The following IL31RA variants were observed in gnomAD, a reference collection of about 807,000 sequenced individuals.
IL31RA encodes interleukin-31 receptor subunit alpha.
A neutral mutation model predicts 83.7 loss-of-function variants in IL31RA; 66 were observed. The observed-to-expected ratio is 0.79, with a 90% CI of 0.65 to 0.97. IL31RA has a LOEUF of 0.97. Among genes scored for constraint, IL31RA ranks in the 50% least tolerant of loss-of-function variants. IL31RA has a pLI of 0.00. For synonymous variants in IL31RA, 325 were observed against 329.0 expected (o/e 0.99, Z 0.13); for missense variants, 798 against 919.4 (o/e 0.87, Z 1.71).
At chr5:55,847,256 T>A (rs1295647227), upstream of IL31RA, among the ~76,000 whole-genome samples, 8 of 126,272 alleles carry the variant, frequency 6.3e-5, no homozygotes, top group African/African-American at 1.2e-4. Flanking sequence ...AATAAATAAA[T>A]AAATAAATAA....
chr5:55,857,097 ATT>A (rs35485505), intron 1 of IL31RA, among the ~76,000 whole-genome samples: 1 of 145,956 alleles, frequency 6.9e-6, no homozygotes, highest in African/African-American at 2.5e-5. Flanking sequence ...ACCTTTTTGC[ATT>A]TTTTTTTTTT....
intron 4 of IL31RA, among the ~76,000 whole-genome samples, chr5:55,882,544 ATGT>A (rs778005453): frequency 2.0e-5 from 3 of 152,212 alleles, no homozygotes; most frequent in Non-Finnish European, 2.9e-5. Flanking sequence ...CACTTAAAAA[ATGT>A]TGTATAATAA....
intron 7 of IL31RA, among the ~76,000 whole-genome samples, chr5:55,897,982 ATCGCCCACTCCCTCCACACCCGCAG>A (rs1456610528): frequency 1.2e-4 from 19 of 152,284 alleles, no homozygotes; most frequent in Middle Eastern, 6.8e-3. Flanking sequence ...CTCCCGCACC[ATCGCCCACTCCCTCCACACCCGCAG>A]GGCTATGGGA....
At chr5:55,886,755 C>T (rs1747642001) in intron 5 of IL31RA, among the ~76,000 whole-genome samples, 1 of 152,230 alleles carries the variant, frequency 6.6e-6, no homozygotes, top group Non-Finnish European at 1.5e-5. Context: ...CCTCTCTGGT[C>T]ATTCTGAATT....
At chr5:55,852,960 A>G (rs981723916) in intron 1 of IL31RA, among the ~76,000 whole-genome samples, 2 of 152,274 alleles carry the variant, frequency 1.3e-5, no homozygotes, top group Admixed American at 1.3e-4. Context: ...TGCCTGACAC[A>G]CAGTAAGAGC....
chr5:55,883,597 T>C (rs536509637), intron 5 of IL31RA, among the ~76,000 whole-genome samples: 1 of 152,186 alleles, frequency 6.6e-6, no homozygotes, highest in Non-Finnish European at 1.5e-5. Context: ...TTTAACAAAT[T>C]ATTATTAAGT....
chr5:55,856,522 C>T (rs927002570), intron 1 of IL31RA, among the ~76,000 whole-genome samples: 1 of 152,172 alleles, frequency 6.6e-6, no homozygotes, highest in Non-Finnish European at 1.5e-5. Flanking sequence ...GGCTGATTCA[C>T]CTCATTTAAG....
rs1359592422 is a variant in IL31RA, at chr5:55,919,057, T to C, written c.*1937T>C. ...ACCCCTTCTATGGTGTGGGCTCTTC[T>C]GTGAGCCCACTGTCCCCAGAGTTCC... On this transcript the variant is annotated 3_prime_UTR_variant, in exon 15 of 15. Transcript: ENST00000652347. 1.3e-5 allele frequency among the ~76,000 whole-genome samples: 2 copies of C among 152,316 alleles called. No homozygotes were observed. Among genetic ancestry groups the C allele is most frequent in the Admixed American group, 6.5e-5 (1 of 15,302 alleles).
At chr5:55,852,669 C>T (rs1237270025) in intron 1 of IL31RA, among the ~76,000 whole-genome samples, 1 of 152,120 alleles carries the variant, frequency 6.6e-6, no homozygotes, top group Non-Finnish European at 1.5e-5. Context: ...CTTCCCCGGT[C>T]TATTTATTTC....
At chr5:55,886,267 G>GTTTTTT (rs1747599002) in intron 5 of IL31RA, among the ~76,000 whole-genome samples, 2 of 109,704 alleles carry the variant, frequency 1.8e-5, no homozygotes, top group African/African-American at 4.3e-5. Flanking sequence ...TTGCTTGCTT[G>GTTTTTT]CTTTTTTTTT....
At chr5:55,861,419 A>G (rs1745678037) in intron 2 of IL31RA, among the ~76,000 whole-genome samples, 1 of 152,218 alleles carries the variant, frequency 6.6e-6, no homozygotes, top group African/African-American at 2.4e-5. Context: ...TGAGATTCTC[A>G]TGGGAGCACG....
At chr5:55,895,261 G>A (rs925716735) in intron 6 of IL31RA, among the ~76,000 whole-genome samples, 60 of 152,174 alleles carry the variant, frequency 3.9e-4, no homozygotes, top group African/African-American at 1.3e-3. Flanking sequence ...CTCGACATTT[G>A]TTTAGAACTC....
intron 7 of IL31RA, among the ~76,000 whole-genome samples, chr5:55,898,319 A>ACCC (rs1404345344): frequency 1.1e-4 from 12 of 106,456 alleles, no homozygotes; most frequent in East Asian, 3.2e-4. Flanking sequence ...TCTCCACACC[A>ACCC]CCCCCCCGCC....
At chr5:55,860,140 G>A (rs544799959) in intron 2 of IL31RA, among the ~76,000 whole-genome samples, 10 of 152,234 alleles carry the variant, frequency 6.6e-5, no homozygotes, top group South Asian at 6.2e-4. Context: ...AGGCTGAGGC[G>A]GGCAGATTTT....
chr5:55,878,970 CT>C (rs765697807), intron 4 of IL31RA, among the ~76,000 whole-genome samples: 13 of 152,072 alleles, frequency 8.5e-5, no homozygotes, highest in Non-Finnish European at 1.5e-4. Context: ...TTTTGAATGT[CT>C]TAATTTCCCA....
chr5:55,867,243 GTT>G (rs1316637174), intron 2 of IL31RA, among the ~76,000 whole-genome samples: 14 of 99,784 alleles, frequency 1.4e-4, no homozygotes, highest in East Asian at 2.5e-4. Context: ...TTGTGTGTGT[GTT>G]TGTGTGTGCG....
intron 6 of IL31RA, among the ~76,000 whole-genome samples, chr5:55,893,518 A>G (rs1225876515): frequency 6.6e-6 from 1 of 152,206 alleles, no homozygotes; most frequent in African/African-American, 2.4e-5. Context: ...TTGATTTGGA[A>G]AATTTTAATT....
At chr5:55,882,697 G>A (rs1747316417) in intron 4 of IL31RA, among the ~76,000 whole-genome samples, 4 of 152,144 alleles carry the variant, frequency 2.6e-5, no homozygotes, top group Admixed American at 2.6e-4. Flanking sequence ...AGGGGTCAAG[G>A]AAGGAGAGGC....
At chr5:55,842,808 G>A in the IL31RA span, among the ~76,000 whole-genome samples, 4 of 152,284 alleles carry the variant, frequency 2.6e-5, no homozygotes, top group Middle Eastern at 3.4e-3. Flanking sequence ...GAATTGCGTT[G>A]AAAGTCTGGG....
Sources: allele counts gnomAD v4.1 joint callset (sites outside exome capture counted in the v4.1 genomes callset), GRCh38; gene constraint gnomAD v4.1.1; transcripts MANE v1.5; gene names NCBI Gene and HGNC (gene_info 2026-07-23, HGNC 2026-07-21).